Variants in AGPS observed in about 807,000 individuals in gnomAD.
The protein encoded by AGPS is alkyldihydroxyacetonephosphate synthase, peroxisomal.
AGPS carries 26 observed loss-of-function variants against 90.7 expected under a neutral mutation model. The observed-to-expected ratio is 0.29, with a 90% CI of 0.21 to 0.40. The LOEUF is 0.40. Ranked by LOEUF, AGPS falls within the 10% of genes least tolerant of loss-of-function variation. The probability of loss-of-function intolerance (pLI) is 1.00; values close to 1 mark genes in which losing one functional copy is unlikely to be tolerated. For synonymous variants in AGPS, 294 were observed against 285.3 expected, an observed-to-expected ratio of 1.03 and a Z score of -0.31; for missense variants, 540 against 816.1, an observed-to-expected ratio of 0.66 and a Z score of 4.12.
At position 177,483,724 on chromosome 2, in the gene AGPS, TGAC is replaced by T. The variant is rs1350814695; in HGVS notation, c.1233+1541_1233+1543del. Among the ~76,000 whole-genome samples, 4 of 152,264 alleles carry T rather than the reference TGAC, an allele frequency of 2.6e-5. No homozygotes were observed. In the East Asian group the frequency reaches 5.8e-4, roughly 22 times the overall value. ...AGTATTAACACCATGTTAGCTAAAA[TGAC>T]GAGGTGGCAATAATATTTAAAACAT... On this transcript the variant is annotated intron_variant, in intron 11 of 19. Coordinates refer to ENST00000264167, the MANE Select transcript of AGPS (RefSeq NM_003659.4).
At chr2:177,471,985 A>G (rs1287011448) in intron 10 of AGPS, among the ~76,000 whole-genome samples, 1 of 151,944 alleles carries the variant, frequency 6.6e-6, no homozygotes, top group Non-Finnish European at 1.5e-5. Flanking sequence ...AAAGTCTAAT[A>G]CTTTTGCAAC....
chr2:177,504,817 T>C (rs1185955819), intron 14 of AGPS, among the ~76,000 whole-genome samples: 1 of 152,116 alleles, frequency 6.6e-6, no homozygotes, highest in Non-Finnish European at 1.5e-5. Context: ...GGAAAAACAG[T>C]ATTCATTCAT....
At chr2:177,415,783 T>C (rs937299417) in intron 1 of AGPS, among the ~76,000 whole-genome samples, 10 of 152,140 alleles carry the variant, frequency 6.6e-5, no homozygotes, top group African/African-American at 2.4e-4. Context: ...TAATTCATGA[T>C]GAAAAGTAAA....
chr2:177,459,361 A>G (rs535712004), intron 8 of AGPS, among the ~76,000 whole-genome samples: 3 of 152,362 alleles, frequency 2.0e-5, no homozygotes, highest in African/African-American at 7.2e-5. Context: ...CAGCAAAAGA[A>G]ACTATCATCA....
intron 13 of AGPS, among the ~76,000 whole-genome samples, chr2:177,498,657 G>A (rs533136012): frequency 8.7e-5 from 13 of 149,070 alleles, no homozygotes; most frequent in African/African-American, 2.7e-4. Context: ...ATTACTATTT[G>A]TATTTATTTC....
intron 17 of AGPS, among the ~76,000 whole-genome samples, chr2:177,518,904 A>AT (rs1334576463): frequency 6.6e-6 from 1 of 152,034 alleles, no homozygotes; most frequent in African/African-American, 2.4e-5. Context: ...AGAGTCAGTG[A>AT]TTGAGGCAAG....
At chr2:177,482,264 T>C (rs1479246068) in intron 11 of AGPS, 78 bp downstream of exon 11, 6 of 781,638 alleles carry the variant, frequency 7.7e-6, no homozygotes, top group Non-Finnish European at 1.1e-5. Flanking sequence ...TACTACATAG[T>C]TGATTGTGAT....
intron 1 of AGPS, among the ~76,000 whole-genome samples, chr2:177,400,796 A>G (rs1199620648): frequency 6.6e-6 from 1 of 152,212 alleles, no homozygotes; most frequent in African/African-American, 2.4e-5. Context: ...ATGCTCAGGT[A>G]TCCCAGGACC....
chr2:177,538,745 C>CT lies in AGPS; in HGVS notation c.*560dup, dbSNP rs1024658425. 81 of 151,852 alleles carry CT rather than the reference C, an allele frequency of 5.3e-4. No homozygotes were observed. Among genetic ancestry groups the CT allele is most frequent in the African/African-American group, 7.4e-4 (30 of 40,744 alleles). 9.4% of individuals were successfully genotyped at this position (151,852 alleles called of 1,614,324 possible). ...TCACGTCTGTAAGGTGCTTGGCCTA[C>CT]TTTTTTTTTTAAATTAGTATACATG... is the stretch of plus-strand genomic sequence containing the variant. On this transcript the variant is annotated 3_prime_UTR_variant, in exon 20 of 20. Transcript: ENST00000264167.
At chr2:177,422,009 T>C (rs1303861026) in intron 2 of AGPS, among the ~76,000 whole-genome samples, 1 of 152,134 alleles carries the variant, frequency 6.6e-6, no homozygotes. Context: ...TGTATGTGTG[T>C]GTGTGTGAAA....
rs76827775 is a variant in AGPS at position 177,434,133 on chromosome 2, G to A, written c.351-194G>A. Among the ~76,000 whole-genome samples the A allele has an allele frequency of 0.1, 15,531 of 151,902 alleles. 1,154 individuals are homozygous for A. Among genetic ancestry groups the A allele is most frequent in the East Asian group, 0.34 (1,759 of 5,146 alleles). On this transcript the variant is annotated intron_variant, in intron 2 of 19. Transcript: ENST00000264167. ...TAGCACACCCTTCTCCCCTATTTTT[G>A]ACTGCTTTTGGTCTGTCTATACTGC...
chr2:177,407,808 TTA>T (rs1491243774), intron 1 of AGPS, among the ~76,000 whole-genome samples: 3 of 149,912 alleles, frequency 2.0e-5, no homozygotes, highest in African/African-American at 2.5e-5. Flanking sequence ...TTTTTTTTTT[TTA>T]AAAAAAAGAG....
In AGPS at chr2:177,507,969, G is replaced by A; in HGVS notation, c.1546-1G>A. The A allele has an allele frequency of 6.2e-7, 1 of 1,610,946 alleles. No homozygotes were observed. The highest frequency in any genetic ancestry group is 8.5e-7 in the Non-Finnish European group (1 of 1,177,176). On this transcript the variant is annotated splice_acceptor_variant, in intron 15 of 19. Transcript: ENST00000264167. LOFTEE classifies it high-confidence loss of function. ...TGATTTTTCTGTTTGTGTCTTAATA[G>A]GACTTGGCTTTGGAATACTATGTAT... is the stretch of plus-strand genomic sequence containing the variant.
intron 7 of AGPS, among the ~76,000 whole-genome samples, chr2:177,444,420 CAAAAA>C (rs10618529): frequency 3.3e-5 from 3 of 90,996 alleles, no homozygotes; most frequent in Non-Finnish European, 2.4e-5. Flanking sequence ...GACTCTGTCT[CAAAAA>C]AAAAAAAAAA....
intron 7 of AGPS, 128 bp from the exon 8 acceptor site, chr2:177,445,418 G>A (rs936474396): frequency 1.3e-6 from 1 of 755,386 alleles, no homozygotes; most frequent in African/African-American, 1.7e-5. Flanking sequence ...TCCAGTGTGG[G>A]TGGTTGAGGG....
intron 5 of AGPS, 32 bp downstream of exon 5, chr2:177,437,086 A>C: frequency 6.3e-7 from 1 of 1,589,832 alleles, no homozygotes. Context: ...TCATTAATTT[A>C]GTATTGCTAA....
intron 1 of AGPS, among the ~76,000 whole-genome samples, chr2:177,396,343 A>G (rs931570011): frequency 6.6e-6 from 1 of 152,236 alleles, no homozygotes; most frequent in African/African-American, 2.4e-5. Flanking sequence ...ATTCATGCTT[A>G]TAAAATATAG....
intron 10 of AGPS, among the ~76,000 whole-genome samples, chr2:177,480,541 A>G (rs1404004072): frequency 1.3e-5 from 2 of 152,134 alleles, no homozygotes; most frequent in Admixed American, 6.5e-5. Flanking sequence ...GAACACTTGG[A>G]CACAGGAAGG....
At chr2:177,517,074 T>C (rs1689040410) in intron 17 of AGPS, among the ~76,000 whole-genome samples, 1 of 152,134 alleles carries the variant, frequency 6.6e-6, no homozygotes, top group Non-Finnish European at 1.5e-5. Context: ...TCTATTTGTA[T>C]TGTGTAGTAA....
Sources: gnomAD v4.1 joint callset for allele counts (sites outside exome capture counted in the v4.1 genomes callset) on GRCh38, gnomAD v4.1.1 for gene constraint, MANE v1.5 for transcripts, NCBI Gene and HGNC (gene_info 2026-07-23, HGNC 2026-07-21) for gene names.